Variants in GRIK2 observed in about 807,000 individuals in gnomAD.
GRIK2 encodes glutamate receptor ionotropic, kainate 2.
GRIK2 carries 32 observed loss-of-function variants against 100.3 expected under a neutral mutation model. That is an observed-to-expected ratio of 0.32 (90% confidence interval 0.24 to 0.43). The LOEUF is 0.43. Ranked by LOEUF, GRIK2 falls within the 20% of genes least tolerant of loss-of-function variation. GRIK2 has a pLI of 1.00. For missense variants in GRIK2, 843 were observed against 1,114.9 expected, an observed-to-expected ratio of 0.76 and a Z score of 3.47; for synonymous variants, 417 against 389.4, an observed-to-expected ratio of 1.07 and a Z score of -0.83.
At chr6:101,873,675 T>A (rs1247781175) in intron 11 of GRIK2, among the ~76,000 whole-genome samples, 26 of 151,754 alleles carry the variant, frequency 1.7e-4, no homozygotes, top group Non-Finnish European at 2.8e-4. Context: ...TGCCACACTG[T>A]CTTCCACAAT....
intron 11 of GRIK2, among the ~76,000 whole-genome samples, chr6:101,866,451 C>G (rs1328622320): frequency 2.0e-5 from 3 of 152,030 alleles, no homozygotes; most frequent in Non-Finnish European, 4.4e-5. Flanking sequence ...AATATATGAA[C>G]AAGGAATTGT....
intron 2 of GRIK2, among the ~76,000 whole-genome samples, chr6:101,565,689 A>G (rs1777222300): frequency 6.6e-6 from 1 of 151,798 alleles, no homozygotes; most frequent in Non-Finnish European, 1.5e-5. Context: ...TACCTGTGTC[A>G]GAAATCCATA....
chr6:101,818,398 T>A lies in GRIK2; in HGVS notation c.1232T>A (p.Leu411Gln). The change falls in exon 10 of 17, where the codon CTG becomes CAG. Residue 411 changes from leucine to glutamine, a missense_variant. Coordinates refer to ENST00000369134, the MANE Select transcript of GRIK2 (RefSeq NM_021956.5). ...KIGTWDPASGLNMTESQKGKP... is the reference protein window; with the variant it reads ...KIGTWDPASGQNMTESQKGKP... ...GGAACGTGGGATCCAGCCAGTGGCCTGAATATGACAGAAAGTCAAAAGGGA... is the reference window on the plus strand; with the variant it reads ...GGAACGTGGGATCCAGCCAGTGGCCAGAATATGACAGAAAGTCAAAAGGGA... 6.2e-7 allele frequency: 1 copy of A among 1,609,614 alleles called. No individual in the cohort carries two copies. The highest frequency in any genetic ancestry group is 1.1e-5 in the South Asian group (1 of 90,984).
chr6:101,666,725 C>T (rs993184751), intron 4 of GRIK2, among the ~76,000 whole-genome samples: 2 of 152,170 alleles, frequency 1.3e-5, no homozygotes, highest in Non-Finnish European at 2.9e-5. Context: ...GATATGCCAG[C>T]GTACAGACAG....
chr6:101,400,899 G>A (rs189357764), intron 2 of GRIK2, among the ~76,000 whole-genome samples: 2 of 152,252 alleles, frequency 1.3e-5, no homozygotes, highest in South Asian at 2.1e-4. Flanking sequence ...ACTTAAGCAC[G>A]TTGCTCTTAG....
At chr6:102,000,052 C>T (rs1389945604) in intron 14 of GRIK2, among the ~76,000 whole-genome samples, 2 of 151,766 alleles carry the variant, frequency 1.3e-5, no homozygotes, top group Admixed American at 1.3e-4. Flanking sequence ...TACTTGTTAA[C>T]ATTTTCTGAA....
At chr6:101,931,460 TA>T (rs1273123827) in intron 14 of GRIK2, among the ~76,000 whole-genome samples, 1 of 152,148 alleles carries the variant, frequency 6.6e-6, no homozygotes. Context: ...TAAAAAACGA[TA>T]CAGTTTTGTT....
chr6:101,813,159 A>G (rs1781440689), intron 9 of GRIK2, among the ~76,000 whole-genome samples: 1 of 152,096 alleles, frequency 6.6e-6, no homozygotes. Context: ...ACACACACAC[A>G]CATATACACA....
At chr6:101,765,709 T>G (rs1048729063) in intron 7 of GRIK2, among the ~76,000 whole-genome samples, 1 of 152,124 alleles carries the variant, frequency 6.6e-6, no homozygotes, top group African/African-American at 2.4e-5. Flanking sequence ...TGCCTCTCTC[T>G]CCCTCTCCAC....
At chr6:101,797,059 G>T (rs1049638318) in intron 7 of GRIK2, among the ~76,000 whole-genome samples, 8 of 151,952 alleles carry the variant, frequency 5.3e-5, no homozygotes, top group African/African-American at 1.5e-4. Context: ...TGTATGTCCT[G>T]TTAGATTATC....
rs373879747 is a variant in GRIK2 at position 101,674,948 on chromosome 6, CAT to C, written c.542-1672_542-1671del. Among the ~76,000 whole-genome samples the C allele has an allele frequency of 2.5e-3, 383 of 152,186 alleles. 6 individuals carry two copies. The highest frequency in any genetic ancestry group is 9.0e-3 in the African/African-American group (375 of 41,530). On this transcript the variant is annotated intron_variant, in intron 4 of 16. Coordinates refer to ENST00000369134, the MANE Select transcript of GRIK2 (RefSeq NM_021956.5). ...TATGGAGTATAATGTAATGTTTTGA[CAT>C]ATGTATATATGTACTGATGACATTA...
chr6:101,808,558 A>G (rs1447816632), intron 9 of GRIK2, among the ~76,000 whole-genome samples: 1 of 151,974 alleles, frequency 6.6e-6, no homozygotes, highest in Non-Finnish European at 1.5e-5. Context: ...GTACAGGTGT[A>G]AATTAAAATT....
At chr6:101,976,806 TA>T (rs59638071) in intron 14 of GRIK2, among the ~76,000 whole-genome samples, 11,973 of 144,260 alleles carry the variant, frequency 0.083, 1,131 homozygotes, top group African/African-American at 0.24. Flanking sequence ...TTTCATTGTT[TA>T]AAAAAAAAAA....
At chr6:102,050,624 G>C (rs1382468183) in intron 15 of GRIK2, among the ~76,000 whole-genome samples, 2 of 149,044 alleles carry the variant, frequency 1.3e-5, no homozygotes, top group Non-Finnish European at 3.0e-5. Context: ...TCCAGCGCCT[G>C]GGCGACAAGA....
At chr6:101,809,652 A>G (rs1053635689) in intron 9 of GRIK2, among the ~76,000 whole-genome samples, 2 of 152,056 alleles carry the variant, frequency 1.3e-5, no homozygotes, top group African/African-American at 2.4e-5. Flanking sequence ...TCCTCTACGA[A>G]AGCAATTTTA....
intron 2 of GRIK2, among the ~76,000 whole-genome samples, chr6:101,499,065 C>G (rs998838095): frequency 6.6e-6 from 1 of 152,066 alleles, no homozygotes; most frequent in South Asian, 2.1e-4. Context: ...GGAAAACTGG[C>G]TAGCCATATG....
chr6:101,791,391 G>T (rs1014021921), intron 7 of GRIK2, among the ~76,000 whole-genome samples: 3 of 152,124 alleles, frequency 2.0e-5, no homozygotes, highest in African/African-American at 7.2e-5. Flanking sequence ...GTGTCCCAGC[G>T]ATTCTGGTAT....
intron 14 of GRIK2, 128 bp from the exon 15 acceptor site, chr6:102,035,212 TA>T: frequency 3.1e-6 from 1 of 324,238 alleles, no homozygotes; most frequent in Non-Finnish European, 5.7e-6. Context: ...TATATATATA[TA>T]TTCCTTAAAA....
chr6:101,772,736 A>G (rs1778486265), intron 7 of GRIK2, among the ~76,000 whole-genome samples: 1 of 147,456 alleles, frequency 6.8e-6, no homozygotes, highest in African/African-American at 2.6e-5. Flanking sequence ...TATTTTTTGA[A>G]GCTATTGATG....
Sources: gnomAD v4.1 joint callset for allele counts (sites outside exome capture counted in the v4.1 genomes callset) on GRCh38, gnomAD v4.1.1 for gene constraint, MANE v1.5 for transcripts, NCBI Gene and HGNC (gene_info 2026-07-23, HGNC 2026-07-21) for gene names.